The following GRIA4 variants were observed in gnomAD, a reference collection of about 807,000 sequenced individuals.
GRIA4 encodes the protein glutamate receptor 4.
In GRIA4, 34 loss-of-function variants were observed where a neutral mutation model predicts 104.0. The observed-to-expected ratio is 0.33, with a 90% CI of 0.25 to 0.44. The LOEUF (loss-of-function observed/expected upper bound fraction) is 0.44, where lower values mean the gene tolerates loss of function less well. Ranked by LOEUF, GRIA4 falls within the 20% of genes least tolerant of loss-of-function variation. The probability of loss-of-function intolerance (pLI) is 1.00; values close to 1 mark genes in which losing one functional copy is unlikely to be tolerated. For missense variants in GRIA4, 750 were observed against 1,096.5 expected (o/e 0.68, Z 4.46); for synonymous variants, 386 against 381.9 (o/e 1.01, Z -0.13).
intron 3 of GRIA4, among the ~76,000 whole-genome samples, chr11:105,655,098 C>G (rs1951802641): frequency 6.6e-6 from 1 of 152,144 alleles, no homozygotes; most frequent in South Asian, 2.1e-4. Flanking sequence ...ACATAATTCT[C>G]CAGGTAATCT....
intron 4 of GRIA4, among the ~76,000 whole-genome samples, chr11:105,832,475 CACTT>C (rs796778549): frequency 4.0e-5 from 6 of 151,758 alleles, no homozygotes; most frequent in African/African-American, 1.4e-4. Flanking sequence ...AGAGCATGTT[CACTT>C]ACTTTATCTA....
intron 3 of GRIA4, among the ~76,000 whole-genome samples, chr11:105,730,173 T>A (rs561897587): frequency 1.3e-5 from 2 of 152,278 alleles, no homozygotes; most frequent in African/African-American, 4.8e-5. Context: ...ATAAGCAACT[T>A]CAGCAAAGTC....
chr11:105,736,794 T>A (rs986812845), intron 3 of GRIA4, among the ~76,000 whole-genome samples: 7 of 152,120 alleles, frequency 4.6e-5, no homozygotes, highest in African/African-American at 1.7e-4. Context: ...AGAAAAAATG[T>A]TACTTTAGTA....
intron 16 of GRIA4, among the ~76,000 whole-genome samples, chr11:105,976,084 T>A (rs1445301584): frequency 6.6e-6 from 1 of 152,070 alleles, no homozygotes; most frequent in Non-Finnish European, 1.5e-5. Flanking sequence ...GATGAGAGAC[T>A]TTTTTCAAAT....
At chr11:105,672,212 A>T (rs200743996) in intron 3 of GRIA4, among the ~76,000 whole-genome samples, 2 of 152,172 alleles carry the variant, frequency 1.3e-5, no homozygotes, top group East Asian at 3.9e-4. Flanking sequence ...GATTGCATTC[A>T]ATTAAAATGA....
intron 3 of GRIA4, among the ~76,000 whole-genome samples, chr11:105,675,583 T>C (rs1952511084): frequency 6.6e-6 from 1 of 151,790 alleles, no homozygotes; most frequent in Non-Finnish European, 1.5e-5. Flanking sequence ...TGTAGTGTCT[T>C]TGACCTATTT....
At chr11:105,631,020 G>C (rs760613416) in intron 3 of GRIA4, among the ~76,000 whole-genome samples, 1 of 152,138 alleles carries the variant, frequency 6.6e-6, no homozygotes, top group Non-Finnish European at 1.5e-5. Context: ...AAACCCCAAA[G>C]ATTCTTTCTC....
At chr11:105,828,322 A>G (rs11226856) in intron 4 of GRIA4, among the ~76,000 whole-genome samples, 48,653 of 151,774 alleles carry the variant, frequency 0.32, 8,060 homozygotes, top group South Asian at 0.42. Flanking sequence ...ATGAACCCGG[A>G]AAGACATTTA....
rs370390389 is a variant in GRIA4, at chr11:105,746,520, G to A, written c.248-6461G>A. ...AAAGTTTGCTGAAAATGAAATTTCTGCACTATCAGGATTGACAAGTCATAG... is the reference window on the plus strand; with the variant it reads ...AAAGTTTGCTGAAAATGAAATTTCTACACTATCAGGATTGACAAGTCATAG... On this transcript the variant is annotated intron_variant, in intron 3 of 16. Transcript: ENST00000282499. 1.1e-4 allele frequency among the ~76,000 whole-genome samples: 17 copies of A among 151,970 alleles called. No homozygotes were observed. The East Asian group carries it at 2.5e-3, about 22-fold the overall frequency.
intron 3 of GRIA4, among the ~76,000 whole-genome samples, chr11:105,727,567 A>G (rs1393314954): frequency 6.6e-6 from 1 of 152,170 alleles, no homozygotes; most frequent in Non-Finnish European, 1.5e-5. Context: ...ACCCCAAGAC[A>G]TAATCATCAG....
In GRIA4 at chr11:105,874,508, C is replaced by T. The variant is rs369292361; in HGVS notation, c.672+12300C>T. ...CATTGAATCTATAAATTACATTGGGCGGTATGGCCATTTTCATGATATTGA... is the reference window on the plus strand; with the variant it reads ...CATTGAATCTATAAATTACATTGGGTGGTATGGCCATTTTCATGATATTGA... On this transcript the variant is annotated intron_variant, in intron 5 of 16. Transcript: ENST00000282499. Among the ~76,000 whole-genome samples, 30 of 152,186 alleles carry T rather than the reference C, an allele frequency of 2.0e-4. No individual in the cohort carries two copies. In the East Asian group the frequency reaches 3.9e-3, roughly 20 times the overall value.
At chr11:105,785,805 G>A (rs1379345759) in intron 4 of GRIA4, among the ~76,000 whole-genome samples, 2 of 152,050 alleles carry the variant, frequency 1.3e-5, no homozygotes, top group Non-Finnish European at 2.9e-5. Flanking sequence ...ATAAATTGTC[G>A]ATAATATCAA....
chr11:105,951,800 A>G (rs1368562983), intron 14 of GRIA4, among the ~76,000 whole-genome samples: 1 of 152,042 alleles, frequency 6.6e-6, no homozygotes, highest in Non-Finnish European at 1.5e-5. Context: ...TCTACAAAAT[A>G]TACAAAAATT....
intron 3 of GRIA4, among the ~76,000 whole-genome samples, chr11:105,629,456 GAT>G (rs920222372): frequency 6.6e-6 from 1 of 151,906 alleles, no homozygotes; most frequent in African/African-American, 2.4e-5. Context: ...AAATATGTAA[GAT>G]AATGGTGAGG....
chr11:105,625,044 T>C (rs1227280671), intron 3 of GRIA4, among the ~76,000 whole-genome samples: 1 of 152,100 alleles, frequency 6.6e-6, no homozygotes, highest in Non-Finnish European at 1.5e-5. Flanking sequence ...TCAACACAGA[T>C]GTTGGTCAGA....
chr11:105,841,356 C>T (rs941938562), intron 4 of GRIA4, among the ~76,000 whole-genome samples: 12 of 152,058 alleles, frequency 7.9e-5, no homozygotes, highest in Non-Finnish European at 1.6e-4. Context: ...AAGACACAAG[C>T]GCTGTTCTTT....
intron 14 of GRIA4, among the ~76,000 whole-genome samples, chr11:105,952,594 T>C (rs900753440): frequency 2.0e-5 from 3 of 152,178 alleles, no homozygotes; most frequent in African/African-American, 7.2e-5. Context: ...AAATTAATCA[T>C]GCAAATTCCA....
intron 11 of GRIA4, among the ~76,000 whole-genome samples, chr11:105,923,516 G>T (rs1947625398): frequency 6.6e-6 from 1 of 152,128 alleles, no homozygotes; most frequent in South Asian, 2.1e-4. Context: ...ATCAGCATCA[G>T]ATCAGCATCA....
chr11:105,645,701 A>G (rs1951506931), intron 3 of GRIA4, among the ~76,000 whole-genome samples: 1 of 152,244 alleles, frequency 6.6e-6, no homozygotes, highest in South Asian at 2.1e-4. Context: ...AAAGGAGGAT[A>G]CAGTGGAAAA....
Sources: gnomAD v4.1 joint callset for allele counts (sites outside exome capture counted in the v4.1 genomes callset) on GRCh38, gnomAD v4.1.1 for gene constraint, MANE v1.5 for transcripts, NCBI Gene and HGNC (gene_info 2026-07-23, HGNC 2026-07-21) for gene names.